TMEM94: variants seen among roughly 807,000 people sequenced by gnomAD.
TMEM94 encodes the protein transmembrane protein 94.
Under a neutral mutation model 158.6 loss-of-function variants are expected in TMEM94, and 81 were observed. That is an observed-to-expected ratio of 0.51 (90% CI 0.43 to 0.61). TMEM94 has a LOEUF of 0.61. Ranked by LOEUF, TMEM94 falls within the 20% of genes least tolerant of loss-of-function variation. The pLI, the probability that TMEM94 is intolerant of heterozygous loss-of-function variation, is 0.00. For synonymous variants in TMEM94, 751 were observed against 730.7 expected, an observed-to-expected ratio of 1.03 and a Z score of -0.45; for missense variants, 1,435 against 1,762.0, an observed-to-expected ratio of 0.81 and a Z score of 3.32.
chr17:75,488,682 T>C, intron 6 of TMEM94, 77 bp from the exon 7 acceptor site: 2 of 1,548,326 alleles, frequency 1.3e-6, no homozygotes, highest in Non-Finnish European at 1.8e-6. Flanking sequence ...CGAATGTCTG[T>C]ACTTAGATGA....
intron 2 of TMEM94, among the ~76,000 whole-genome samples, chr17:75,479,026 G>C (rs762283201): frequency 6.6e-6 from 1 of 152,164 alleles, no homozygotes; most frequent in Non-Finnish European, 1.5e-5. Context: ...CCTGCCATTG[G>C]TGCCCAGGTA....
intron 2 of TMEM94, among the ~76,000 whole-genome samples, chr17:75,479,877 C>T (rs1247901194): frequency 6.6e-6 from 1 of 152,088 alleles, no homozygotes; most frequent in Non-Finnish European, 1.5e-5. Context: ...CTGATGGCAC[C>T]ATTACATTCC....
At chr17:75,475,815 T>C (rs1368452531) in intron 2 of TMEM94, among the ~76,000 whole-genome samples, 1 of 152,208 alleles carries the variant, frequency 6.6e-6, no homozygotes, top group Admixed American at 6.5e-5. Flanking sequence ...CCTGCATGGC[T>C]GTGAGGGTCT....
Position 75,485,694 on chromosome 17 carries a change from TC to T in TMEM94, c.144+151del. The stretch of plus-strand genomic sequence containing the variant: ...TGAAATATCAGAAAGAAGCCAAGGT[TC>T]CCCTCAGAGTGGCTCCTGAGCCTGC... On this transcript the variant is annotated intron_variant, in intron 3 of 31. Transcript: ENST00000314256. This position sits in a 1 kb window ranked among gnomAD's most constrained non-coding sequence, Gnocchi z 5.5. 1 of 1,361,606 alleles carries T rather than the reference TC, an allele frequency of 7.3e-7. No homozygotes were observed. The highest frequency in any genetic ancestry group is 1.0e-6 in the Non-Finnish European group (1 of 992,838). The allele number at this position is 1,361,606 out of a possible 1,614,324, so 84.3% of individuals were successfully genotyped here.
In TMEM94 at chr17:75,462,001, G is replaced by GTTTTTTTTTTTTTTTTTTTTTTTTTTT. The variant is rs1230233393; in HGVS notation, c.-107+5254_-107+5255insTTTTTTTTTTTTTTTTTTTTTTTTTTT. On this transcript the variant is annotated intron_variant, in intron 1 of 31. Coordinates refer to ENST00000314256, the MANE Select transcript of TMEM94 (RefSeq NM_014738.6). The stretch of plus-strand genomic sequence containing the variant: ...TAAATTTTACAGTTTTTTTTGTTTT[G>GTTTTTTTTTTTTTTTTTTTTTTTTTTT]TTTTGTTTTGTTTTTTTTTTTTTTG... Among the ~76,000 whole-genome samples, 5 of 85,690 alleles carry GTTTTTTTTTTTTTTTTTTTTTTTTTTT rather than the reference G, an allele frequency of 5.8e-5. 2 individuals carry two copies. Among genetic ancestry groups the GTTTTTTTTTTTTTTTTTTTTTTTTTTT allele is most frequent in the Non-Finnish European group, 6.2e-5 (3 of 48,618 alleles). The allele number at this position is 85,690 out of a possible 152,430, so 56.2% of individuals were successfully genotyped here.
chr17:75,467,775 A>G (rs900210570), intron 1 of TMEM94, among the ~76,000 whole-genome samples: 2 of 146,922 alleles, frequency 1.4e-5, no homozygotes, highest in East Asian at 2.0e-4. Context: ...CTCGTGATCC[A>G]CCCGCCTCGG....
intron 1 of TMEM94, among the ~76,000 whole-genome samples, chr17:75,464,679 CTTT>C (rs765708493): frequency 0.13 from 7,002 of 54,470 alleles, 264 homozygotes; most frequent in Non-Finnish European, 0.25. Flanking sequence ...TTCCTTCCTT[CTTT>C]CTTTCTTTCT....
Position 75,492,838 on chromosome 17 carries a change from A to G in TMEM94, c.1912+49A>G. 4 of 1,584,522 alleles carry G rather than the reference A, an allele frequency of 2.5e-6. No individual in the cohort carries two copies. Among genetic ancestry groups the G allele is most frequent in the Non-Finnish European group, 2.6e-6 (3 of 1,164,910 alleles). ...TGGCTGGCTGGACCCGCCTCCTAGAAGAGGCCCAGTACCAACTCCTCACGG... is the reference window on the plus strand; with the variant it reads ...TGGCTGGCTGGACCCGCCTCCTAGAGGAGGCCCAGTACCAACTCCTCACGG... On this transcript the variant is annotated intron_variant, in intron 15 of 31. Transcript: ENST00000314256. The surrounding 1 kb of genome is among the most constrained non-coding windows in gnomAD (Gnocchi z 4.4).
At position 75,499,654 on chromosome 17, in the gene TMEM94, T is replaced by G; in HGVS notation, c.*320T>G. 3.2e-6 allele frequency: 1 copy of G among 312,036 alleles called. No homozygotes were observed. The highest frequency in any genetic ancestry group is 6.4e-5 in the East Asian group (1 of 15,574). The allele number at this position is 312,036 out of a possible 1,614,324, so 19.3% of individuals were successfully genotyped here. ...GTGAGCTACCCCCTTTAGGGATCCCTTGCCCCCTTGGAGATCCCTTGCCCC... is the reference window on the plus strand; with the variant it reads ...GTGAGCTACCCCCTTTAGGGATCCCGTGCCCCCTTGGAGATCCCTTGCCCC... On this transcript the variant is annotated 3_prime_UTR_variant, in exon 32 of 32. Transcript: ENST00000314256.
chr17:75,456,687 G>T lies in TMEM94; in HGVS notation c.-171G>T, dbSNP rs1270892790. ...GGCTGCGGCCCCCGGAGGAGGGGAC[G>T]TGAAGTGAGGAGGGGGTTGGGAGGG... On this transcript the variant is annotated 5_prime_UTR_variant, in exon 1 of 32. Transcript: ENST00000314256. 1 of 152,328 alleles carries T rather than the reference G, an allele frequency of 6.6e-6. No homozygotes were observed. The highest frequency in any genetic ancestry group is 6.5e-5 in the Admixed American group (1 of 15,278). 9.4% of individuals were successfully genotyped at this position (152,328 alleles called of 1,614,324 possible).
Position 75,491,254 on chromosome 17 carries a change from G to T in TMEM94, c.1234-49G>T. 1 of 1,551,236 alleles carries T rather than the reference G, an allele frequency of 6.4e-7. No individual in the cohort carries two copies. The highest frequency in any genetic ancestry group is 8.9e-7 in the Non-Finnish European group (1 of 1,126,152). ...TGCCGCTTGAGTGGCCCCTGGGCAG[G>T]ATAGGCTAATGCCAGGCCCCTTTCC... On this transcript the variant is annotated intron_variant, in intron 12 of 31. Transcript: ENST00000314256. The surrounding 1 kb of genome is among the most constrained non-coding windows in gnomAD (Gnocchi z 5.1).
At chr17:75,477,990 A>T (rs1329663786) in intron 2 of TMEM94, among the ~76,000 whole-genome samples, 4 of 140,730 alleles carry the variant, frequency 2.8e-5, no homozygotes, top group Admixed American at 1.4e-4. Context: ...TGGGCAACAA[A>T]GCGAGACTCC....
intron 1 of TMEM94, among the ~76,000 whole-genome samples, chr17:75,471,205 C>T (rs958294641): frequency 2.0e-4 from 29 of 144,968 alleles, no homozygotes; most frequent in South Asian, 1.1e-3. Context: ...GGTCATAGCA[C>T]TCCAGCCTGG....
chr17:75,485,866 C>T lies in TMEM94; in HGVS notation c.145-5C>T. 6.2e-7 allele frequency: 1 copy of T among 1,609,582 alleles called. No individual in the cohort carries two copies. The highest frequency in any genetic ancestry group is 8.5e-7 in the Non-Finnish European group (1 of 1,177,632). On this transcript the variant is annotated splice_region_variant and splice_polypyrimidine_tract_variant and intron_variant, in intron 3 of 31. Coordinates refer to ENST00000314256, the MANE Select transcript of TMEM94 (RefSeq NM_014738.6). This position sits in a 1 kb window ranked among gnomAD's most constrained non-coding sequence, Gnocchi z 5.5. ...CATTGTCCCCTCCCTGTCCGAACTTCCCAGGAGGTGTGGAGAAGCAGCTTC... is the reference window on the plus strand; with the variant it reads ...CATTGTCCCCTCCCTGTCCGAACTTTCCAGGAGGTGTGGAGAAGCAGCTTC...
intron 1 of TMEM94, among the ~76,000 whole-genome samples, chr17:75,463,147 TAC>T (rs2050167313): frequency 6.8e-5 from 4 of 59,040 alleles, no homozygotes; most frequent in South Asian, 6.6e-4. Context: ...TGTATATATA[TAC>T]ACGTATATAT....
Position 75,495,359 on chromosome 17 carries a change from C to A in TMEM94, c.2804C>A (p.Thr935Lys), listed in dbSNP as rs777194831. 3 of 1,613,904 alleles carry A rather than the reference C, an allele frequency of 1.9e-6. No homozygotes were observed. The highest frequency in any genetic ancestry group is 2.5e-6 in the Non-Finnish European group (3 of 1,179,956). ...GHSDLISFQP[T>K]DSDIPSFLED... ...TCGGACCTCATCAGCTTCCAGCCTA[C>A]GGACAGCGACATCCCCAGCTTCCTG... is the stretch of plus-strand genomic sequence containing the variant. The change falls in exon 21 of 32, where the codon ACG (threonine) becomes AAG (lysine). Residue 935 changes from threonine (T) to lysine (K), a missense_variant. Physicochemically the swap from Thr to Lys is moderately conservative, Grantham distance 78. Transcript: ENST00000314256. The surrounding 1 kb of genome is among the most constrained non-coding windows in gnomAD (Gnocchi z 5.6).
In TMEM94 at chr17:75,495,075, G is replaced by A; in HGVS notation, c.2728+41G>A. 1.6e-5 allele frequency: 17 copies of A among 1,037,326 alleles called. No homozygotes were observed. Among genetic ancestry groups the A allele is most frequent in the Non-Finnish European group, 2.0e-5 (14 of 691,966 alleles). The allele number at this position is 1,037,326 out of a possible 1,614,324, so 64.3% of individuals were successfully genotyped here. ...TGGGGTGGGGACGGGGTGGCGGTGG[G>A]AGGATTCCCCTCCTCAGAGCCACAG... On this transcript the variant is annotated intron_variant, in intron 20 of 31. Coordinates refer to ENST00000314256, the MANE Select transcript of TMEM94 (RefSeq NM_014738.6). The surrounding 1 kb of genome is among the most constrained non-coding windows in gnomAD (Gnocchi z 5.6).
chr17:75,465,519 C>A (rs991244846), intron 1 of TMEM94, among the ~76,000 whole-genome samples: 1 of 151,746 alleles, frequency 6.6e-6, no homozygotes, highest in African/African-American at 2.4e-5. Flanking sequence ...CAACCTCCAA[C>A]TCTTGAGCTC....
intron 26 of TMEM94, 149 bp downstream of exon 26, chr17:75,497,347 T>TCA: frequency 6.7e-6 from 1 of 150,234 alleles, no homozygotes; most frequent in Non-Finnish European, 1.2e-5. Context: ...CCTTTGTCTT[T>TCA]TTTTTTTTTT....
Sources: allele counts gnomAD v4.1 joint callset (sites outside exome capture counted in the v4.1 genomes callset), GRCh38; gene constraint gnomAD v4.1.1; non-coding constraint Gnocchi (gnomAD v3.1); transcripts MANE v1.5; gene names NCBI Gene and HGNC (gene_info 2026-07-23, HGNC 2026-07-21).